The following BICRAL variants were observed in gnomAD, a reference collection of about 807,000 sequenced individuals.
BICRAL encodes BRD4-interacting chromatin-remodeling complex-associated protein-like.
In BICRAL, 8 loss-of-function variants were observed where a neutral mutation model predicts 91.8. The ratio of observed to expected loss-of-function variants is 0.09; its 90% CI spans 0.05 to 0.16. The LOEUF is 0.16. Among genes scored for constraint, BICRAL ranks in the 10% least tolerant of loss-of-function variants. The pLI is 1.00. For synonymous variants in BICRAL, 445 were observed against 491.1 expected (o/e 0.91, Z 1.24); for missense variants, 1,038 against 1,310.9 (o/e 0.79, Z 3.21).
At chr6:42,790,761 A>G (rs980244203) in intron 1 of BICRAL, among the ~76,000 whole-genome samples, 15 of 152,098 alleles carry the variant, frequency 9.9e-5, no homozygotes, top group African/African-American at 3.6e-4. Flanking sequence ...GTGAAACGGC[A>G]TGATTTAAGT....
intron 1 of BICRAL, among the ~76,000 whole-genome samples, chr6:42,757,126 A>G (rs1277786381): frequency 6.6e-6 from 1 of 151,916 alleles, no homozygotes; most frequent in Non-Finnish European, 1.5e-5. Context: ...GCCCAGATTC[A>G]AGGGAAGGAG....
chr6:42,768,575 G>A (rs915609235), intron 1 of BICRAL, among the ~76,000 whole-genome samples: 4 of 152,156 alleles, frequency 2.6e-5, no homozygotes, highest in South Asian at 2.1e-4. Flanking sequence ...AGGAATAATC[G>A]TAAGGAAAGG....
chr6:42,823,153 C>T (rs1764193191), intron 5 of BICRAL, 150 bp downstream of exon 5: 5 of 568,084 alleles, frequency 8.8e-6, no homozygotes, highest in Non-Finnish European at 1.2e-5. Context: ...TGAGATGGGG[C>T]CTCACTCTGT....
chr6:42,817,926 A>C (rs1255709796), intron 2 of BICRAL, among the ~76,000 whole-genome samples: 4 of 151,186 alleles, frequency 2.6e-5, no homozygotes, highest in Non-Finnish European at 2.9e-5. Flanking sequence ...TGAGCCCAGA[A>C]ATTCAAGTCC....
intron 2 of BICRAL, among the ~76,000 whole-genome samples, chr6:42,817,477 CTTTT>C (rs1278866567): frequency 1.4e-5 from 2 of 140,934 alleles, no homozygotes; most frequent in African/African-American, 5.2e-5. Context: ...TACAAGAACT[CTTTT>C]TTTTTTTTTT....
chr6:42,863,291 G>A (rs400724), intron 12 of BICRAL, among the ~76,000 whole-genome samples: 48,751 of 151,866 alleles, frequency 0.32, 9,692 homozygotes, highest in East Asian at 0.56. Context: ...CTCATGATCC[G>A]CCTGCCTTGG....
intron 10 of BICRAL, among the ~76,000 whole-genome samples, chr6:42,857,546 C>T (rs191498347): frequency 2.7e-5 from 4 of 147,174 alleles, no homozygotes; most frequent in African/African-American, 1.0e-4. Flanking sequence ...TATGATCACG[C>T]CTGTAAATAG....
At chr6:42,764,785 G>A (rs1297618525) in intron 1 of BICRAL, among the ~76,000 whole-genome samples, 1 of 151,770 alleles carries the variant, frequency 6.6e-6, no homozygotes, top group African/African-American at 2.4e-5. Context: ...TCAGCCTCCC[G>A]AGTAACTGGT....
At chr6:42,799,715 A>G (rs1411759872) in intron 1 of BICRAL, among the ~76,000 whole-genome samples, 1 of 152,188 alleles carries the variant, frequency 6.6e-6, no homozygotes, top group African/African-American at 2.4e-5. Context: ...CTTAGGATTT[A>G]TTAAAGATTT....
rs532962728 is a variant in BICRAL, at chr6:42,752,602, G to A, written c.-261+5579G>A. On this transcript the variant is annotated intron_variant, in intron 1 of 14. Transcript: ENST00000614467. ...GCTGGGACTACAGATGCATGCCACC[G>A]TGCCCAGCTAATTTTTTTTTTTAGA... 4.0e-5 allele frequency among the ~76,000 whole-genome samples: 6 copies of A among 151,280 alleles called. No homozygotes were observed. In the South Asian group the frequency reaches 8.4e-4, roughly 21 times the overall value.
intron 1 of BICRAL, among the ~76,000 whole-genome samples, chr6:42,755,618 C>T (rs572088843): frequency 6.6e-6 from 1 of 151,950 alleles, no homozygotes; most frequent in Non-Finnish European, 1.5e-5. Flanking sequence ...CACCAGGGTT[C>T]TCTGTCCTCT....
intron 5 of BICRAL, among the ~76,000 whole-genome samples, chr6:42,825,969 G>A (rs1425457823): frequency 4.6e-5 from 7 of 151,694 alleles, no homozygotes; most frequent in Non-Finnish European, 8.8e-5. Flanking sequence ...TGTAATCCCA[G>A]CTACTTGGGT....
chr6:42,795,612 G>A (rs1763396160), intron 1 of BICRAL, among the ~76,000 whole-genome samples: 1 of 152,062 alleles, frequency 6.6e-6, no homozygotes, highest in African/African-American at 2.4e-5. Flanking sequence ...CATATCTTTA[G>A]GACATAAGAG....
chr6:42,780,351 T>C (rs1277588753), upstream of BICRAL, among the ~76,000 whole-genome samples: 1 of 152,138 alleles, frequency 6.6e-6, no homozygotes, highest in Admixed American at 6.5e-5. Context: ...TAAGGGGATA[T>C]AGAAGCCATA....
chr6:42,758,084 A>G (rs143034440), intron 1 of BICRAL, among the ~76,000 whole-genome samples: 101 of 152,126 alleles, frequency 6.6e-4, no homozygotes, highest in Middle Eastern at 3.4e-3. Context: ...CCAGTTGACA[A>G]ATACTGTTAA....
intron 6 of BICRAL, among the ~76,000 whole-genome samples, chr6:42,851,193 T>A (rs1411536200): frequency 5.4e-5 from 8 of 148,886 alleles, no homozygotes; most frequent in South Asian, 2.1e-4. Flanking sequence ...TCAAAAAAAA[T>A]AAATAAATAA....
intron 1 of BICRAL, among the ~76,000 whole-genome samples, chr6:42,798,901 T>C (rs1763490763): frequency 6.6e-6 from 1 of 151,938 alleles, no homozygotes; most frequent in African/African-American, 2.4e-5. Flanking sequence ...TGCTATGTAA[T>C]AGTTGTTAGA....
At chr6:42,779,178 C>G (rs535714735), upstream of BICRAL, among the ~76,000 whole-genome samples, 125 of 150,890 alleles carry the variant, frequency 8.3e-4, 2 homozygotes, top group Middle Eastern at 3.4e-3. Context: ...GATCATGCCT[C>G]TGCACTCCAG....
intron 1 of BICRAL, among the ~76,000 whole-genome samples, chr6:42,771,636 T>G (rs551837630): frequency 2.0e-5 from 3 of 151,952 alleles, no homozygotes; most frequent in African/African-American, 4.8e-5. Flanking sequence ...AAATATTTTC[T>G]GATGGTTTTT....
Sources: allele counts gnomAD v4.1 joint callset (sites outside exome capture counted in the v4.1 genomes callset), GRCh38; gene constraint gnomAD v4.1.1; transcripts MANE v1.5; gene names NCBI Gene and HGNC (gene_info 2026-07-23, HGNC 2026-07-21).